The following TPD52L1 variants were observed in gnomAD, a reference collection of about 807,000 sequenced individuals.
TPD52L1 encodes the protein tumor protein D53.
In TPD52L1, 18 loss-of-function variants were observed where a neutral mutation model predicts 28.7. That is an observed-to-expected ratio of 0.63 (90% confidence interval 0.43 to 0.93). The LOEUF is 0.93. Ranked by LOEUF, TPD52L1 falls within the 40% of genes least tolerant of loss-of-function variation. TPD52L1 has a pLI of 0.00. For missense variants in TPD52L1, 203 were observed against 254.8 expected (o/e 0.80, Z 1.39); for synonymous variants, 75 against 88.8 (o/e 0.84, Z 0.88).
At chr6:125,172,971 A>G (rs1007080800) in intron 1 of TPD52L1, among the ~76,000 whole-genome samples, 4 of 152,204 alleles carry the variant, frequency 2.6e-5, no homozygotes, top group African/African-American at 9.6e-5. Flanking sequence ...CAAAGGAGTA[A>G]GCAAATGAAA....
chr6:125,247,948 C>T (rs921300627), intron 3 of TPD52L1, among the ~76,000 whole-genome samples: 10 of 152,218 alleles, frequency 6.6e-5, no homozygotes, highest in African/African-American at 2.4e-4. Context: ...CTGTCATTGA[C>T]AAGTGTCTGT....
intron 1 of TPD52L1, among the ~76,000 whole-genome samples, chr6:125,171,034 G>A (rs988828765): frequency 2.6e-5 from 4 of 152,174 alleles, no homozygotes; most frequent in African/African-American, 9.7e-5. Flanking sequence ...GATTTTGGGG[G>A]TGGCAATGAG....
intron 3 of TPD52L1, among the ~76,000 whole-genome samples, chr6:125,232,725 T>A (rs1796022984): frequency 6.6e-6 from 1 of 152,132 alleles, no homozygotes; most frequent in African/African-American, 2.4e-5. Context: ...AAATAGGCCT[T>A]GATAAGTAGG....
At chr6:125,182,372 C>T (rs1375827304) in intron 1 of TPD52L1, among the ~76,000 whole-genome samples, 1 of 152,092 alleles carries the variant, frequency 6.6e-6, no homozygotes, top group Non-Finnish European at 1.5e-5. Flanking sequence ...GAATCGTGAG[C>T]TGGAGTCGTG....
chr6:125,219,129 G>T (rs187449504), intron 1 of TPD52L1, among the ~76,000 whole-genome samples: 1 of 152,294 alleles, frequency 6.6e-6, no homozygotes, highest in Non-Finnish European at 1.5e-5. Context: ...CCCTACAGAG[G>T]TGTAAATGCC....
chr6:125,255,542 G>A (rs1797544443), intron 5 of TPD52L1, among the ~76,000 whole-genome samples: 1 of 152,150 alleles, frequency 6.6e-6, no homozygotes, highest in Non-Finnish European at 1.5e-5. Flanking sequence ...TGTACAGCCT[G>A]AATGCAGGTA....
At position 125,195,136 on chromosome 6, in the gene TPD52L1, A is replaced by G. The variant is rs145441270; in HGVS notation, c.20-24942A>G. ...ACATATAACATTTGTTACAGAGGGT[A>G]TAGTGGTTATGGGTTTTCTGTCAAC... On this transcript the variant is annotated intron_variant, in intron 1 of 6. Coordinates refer to ENST00000534000, the MANE Select transcript of TPD52L1 (RefSeq NM_003287.4). Among the ~76,000 whole-genome samples the G allele has an allele frequency of 3.0e-3, 452 of 152,340 alleles. 1 individual carries two copies. Among genetic ancestry groups the G allele is most frequent in the African/African-American group, 9.4e-3 (389 of 41,584 alleles).
In TPD52L1 at chr6:125,250,757, G is replaced by T. The variant is rs192609098; in HGVS notation, c.386+2374G>T. Among the ~76,000 whole-genome samples the T allele has an allele frequency of 1.0e-3, 159 of 152,260 alleles. No individual in the cohort carries two copies. In the Middle Eastern group the frequency reaches 0.017, roughly 16 times the overall value. Reference sequence around the variant, plus strand: ...CTGCCTTTCCTCCCGTTTCAATGTGGCTTTGTCTAGTATAGTGGATGGCCT... The same window carrying T: ...CTGCCTTTCCTCCCGTTTCAATGTGTCTTTGTCTAGTATAGTGGATGGCCT... On this transcript the variant is annotated intron_variant, in intron 4 of 6. Transcript: ENST00000534000.
intron 1 of TPD52L1, among the ~76,000 whole-genome samples, chr6:125,159,779 T>C (rs1790386718): frequency 1.0e-5 from 1 of 99,452 alleles, no homozygotes; most frequent in South Asian, 2.8e-4. Flanking sequence ...TTAGTAGACG[T>C]GTGAGCAATG....
chr6:125,205,520 G>A (rs542622212), intron 1 of TPD52L1, among the ~76,000 whole-genome samples: 5 of 152,278 alleles, frequency 3.3e-5, no homozygotes, highest in East Asian at 3.9e-4. Flanking sequence ...GCCAGTTCAG[G>A]CTCTCTGAGA....
intron 6 of TPD52L1, 80 bp downstream of exon 6, chr6:125,257,238 G>A (rs1010501911): frequency 7.2e-6 from 9 of 1,246,848 alleles, no homozygotes; most frequent in African/African-American, 6.0e-5. Flanking sequence ...GTTTAAAGTC[G>A]AGGCAGGGCC....
chr6:125,233,072 T>C (rs1213424801), intron 3 of TPD52L1, among the ~76,000 whole-genome samples: 1 of 152,124 alleles, frequency 6.6e-6, no homozygotes, highest in African/African-American at 2.4e-5. Context: ...GGGCTTCATG[T>C]ATTCAACAAG....
intron 4 of TPD52L1, chr6:125,252,145 C>A: frequency 3.1e-6 from 4 of 1,286,832 alleles, no homozygotes; most frequent in Non-Finnish European, 4.3e-6. Flanking sequence ...CAAAACTACA[C>A]TCTGTTTTCC....
chr6:125,167,732 A>G (rs144083296), intron 1 of TPD52L1, among the ~76,000 whole-genome samples: 2 of 152,274 alleles, frequency 1.3e-5, no homozygotes, highest in African/African-American at 4.8e-5. Flanking sequence ...TCCTCCTACC[A>G]GTAGGAGAAG....
At chr6:125,216,525 GTGTGTATATATATATA>G (rs60989735) in intron 1 of TPD52L1, among the ~76,000 whole-genome samples, 7,471 of 104,788 alleles carry the variant, frequency 0.071, 303 homozygotes, top group East Asian at 0.14. Flanking sequence ...TTCAGTATGT[GTGTGTATATATATATA>G]TATATATATA....
intron 1 of TPD52L1, among the ~76,000 whole-genome samples, chr6:125,203,141 G>C (rs1428616216): frequency 6.6e-6 from 1 of 152,100 alleles, no homozygotes; most frequent in Non-Finnish European, 1.5e-5. Flanking sequence ...GGGATACAGA[G>C]AGAAGGATGA....
chr6:125,190,507 G>T (rs1276286540), intron 1 of TPD52L1, among the ~76,000 whole-genome samples: 2 of 152,092 alleles, frequency 1.3e-5, no homozygotes, highest in African/African-American at 4.8e-5. Flanking sequence ...GACGAAGGTT[G>T]GGGGATGGTT....
At chr6:125,182,405 A>G (rs1792262933) in intron 1 of TPD52L1, among the ~76,000 whole-genome samples, 1 of 151,956 alleles carries the variant, frequency 6.6e-6, no homozygotes, top group South Asian at 2.1e-4. Flanking sequence ...CAGGAGTAGC[A>G]TTTTTCAGGA....
intron 1 of TPD52L1, among the ~76,000 whole-genome samples, chr6:125,187,018 T>A (rs1245642980): frequency 6.6e-6 from 1 of 152,072 alleles, no homozygotes; most frequent in Admixed American, 6.6e-5. Context: ...ATCATCAAAT[T>A]TAATAGACAA....
Sources: gnomAD v4.1 joint callset for allele counts (sites outside exome capture counted in the v4.1 genomes callset) on GRCh38, gnomAD v4.1.1 for gene constraint, MANE v1.5 for transcripts, NCBI Gene and HGNC (gene_info 2026-07-23, HGNC 2026-07-21) for gene names.